Variants in ARF3 observed in about 807,000 individuals in gnomAD.
ARF3 encodes the protein ADP-ribosylation factor 3.
In ARF3, 5 loss-of-function variants were observed where a neutral mutation model predicts 19.3. The ratio of observed to expected loss-of-function variants is 0.26; its 90% CI spans 0.14 to 0.54. The LOEUF is 0.54. Ranked by LOEUF, ARF3 falls within the 20% of genes least tolerant of loss-of-function variation. The probability of loss-of-function intolerance (pLI) is 0.95; values close to 1 mark genes in which losing one functional copy is unlikely to be tolerated. For synonymous variants in ARF3, 71 were observed against 89.2 expected (o/e 0.80, Z 1.15); for missense variants, 77 against 234.2 (o/e 0.33, Z 4.38).
Position 48,950,366 on chromosome 12 carries a change from T to G in ARF3, c.-94+6944A>C, listed in dbSNP as rs549804895. Among the ~76,000 whole-genome samples, 44 of 152,266 alleles carry G rather than the reference T, an allele frequency of 2.9e-4. 1 individual carries two copies. Among genetic ancestry groups the G allele is most frequent in the South Asian group, 2.5e-3 (12 of 4,826 alleles). On this transcript the variant is annotated intron_variant, in intron 1 of 4. Coordinates refer to ENST00000256682, the MANE Select transcript of ARF3 (RefSeq NM_001659.3). The stretch of plus-strand genomic sequence containing the variant: ...ATGCACCACCACGCCTGGCTAATTT[T>G]TGTTTAACTGAAGTTTCGCCATGTT...
chr12:48,942,996 A>C (rs943015212), intron 1 of ARF3, among the ~76,000 whole-genome samples: 1 of 152,118 alleles, frequency 6.6e-6, no homozygotes, highest in African/African-American at 2.4e-5. Flanking sequence ...AGTCCCAGCT[A>C]CTCGGAACGT....
intron 1 of ARF3, among the ~76,000 whole-genome samples, chr12:48,943,968 T>C (rs1165379817): frequency 6.6e-6 from 1 of 152,188 alleles, no homozygotes; most frequent in African/African-American, 2.4e-5. Context: ...CTGAGCGACC[T>C]ACCCAGCTAA....
intron 2 of ARF3, 143 bp downstream of exon 2, chr12:48,940,805 T>C (rs1940243406): frequency 8.7e-7 from 1 of 1,143,028 alleles, no homozygotes; most frequent in East Asian, 2.8e-5. Context: ...GGTAGTAAGC[T>C]AAACAACACC....
chr12:48,940,136 T>C (rs761973567), intron 2 of ARF3, 29 bp from the exon 3 acceptor site: 8 of 1,592,988 alleles, frequency 5.0e-6, no homozygotes, highest in Non-Finnish European at 6.9e-6. Context: ...CAATGGCCAC[T>C]TGGCCTCAAA....
chr12:48,938,458 C>T lies in ARF3; in HGVS notation c.*489G>A, dbSNP rs1313181845. 2 of 449,842 alleles carry T rather than the reference C, an allele frequency of 4.4e-6. No individual in the cohort carries two copies. The highest frequency in any genetic ancestry group is 8.9e-6 in the Non-Finnish European group (2 of 225,180). 27.9% of individuals were successfully genotyped at this position (449,842 alleles called of 1,614,324 possible). On this transcript the variant is annotated 3_prime_UTR_variant, in exon 5 of 5. Coordinates refer to ENST00000256682, the MANE Select transcript of ARF3 (RefSeq NM_001659.3). ...CCCCCCGGCCCCCACAAATATATCT[C>T]TCTATACATGTATATACAGGCGCAC... is the stretch of plus-strand genomic sequence containing the variant.
At chr12:48,940,836 C>T in intron 2 of ARF3, 112 bp downstream of exon 2, 5 of 1,368,134 alleles carry the variant, frequency 3.7e-6, no homozygotes, top group East Asian at 2.6e-5. Context: ...CTGAACCCCA[C>T]AAATTGTATG....
In ARF3 at chr12:48,941,155, T is replaced by G. The variant is rs1303508426; in HGVS notation, c.-60A>C. The G allele has an allele frequency of 5.8e-6, 9 of 1,545,800 alleles. No individual in the cohort carries two copies. Among genetic ancestry groups the G allele is most frequent in the Non-Finnish European group, 7.9e-6 (9 of 1,141,218 alleles). ...CCAAGTAGGGGCAGTGGCAGTCTGG[T>G]TTTGGCCTGGTCCCTGGTATGGAAG... is the stretch of plus-strand genomic sequence containing the variant. On this transcript the variant is annotated 5_prime_UTR_variant, in exon 2 of 5. Coordinates refer to ENST00000256682, the MANE Select transcript of ARF3 (RefSeq NM_001659.3).
intron 1 of ARF3, among the ~76,000 whole-genome samples, chr12:48,942,807 A>AT (rs1187853707): frequency 2.6e-5 from 4 of 152,236 alleles, no homozygotes; most frequent in Non-Finnish European, 5.9e-5. Flanking sequence ...TGGTAGGCAC[A>AT]TAACAAATAC....
Position 48,935,885 on chromosome 12 carries a change from T to C in ARF3, c.*3062A>G, listed in dbSNP as rs927749407. ...AGGGCCCTTCAGCCAGTGAAGTCCA[T>C]ACAGTCTACCAACAGGTGAGAAATA... On this transcript the variant is annotated 3_prime_UTR_variant, in exon 5 of 5. Coordinates refer to ENST00000256682, the MANE Select transcript of ARF3 (RefSeq NM_001659.3). 8 of 152,198 alleles carry C rather than the reference T, an allele frequency of 5.3e-5. No homozygotes were observed. The highest frequency in any genetic ancestry group is 1.7e-4 in the African/African-American group (7 of 41,430). The allele number at this position is 152,198 out of a possible 1,614,324, so 9.4% of individuals were successfully genotyped here.
In ARF3 at chr12:48,938,099, G is replaced by T. The variant is rs910362273; in HGVS notation, c.*848C>A. 1 of 305,806 alleles carries T rather than the reference G, an allele frequency of 3.3e-6. No individual in the cohort carries two copies. Among genetic ancestry groups the T allele is most frequent in the Non-Finnish European group, 6.6e-6 (1 of 152,524 alleles). The allele number at this position is 305,806 out of a possible 1,614,324, so 18.9% of individuals were successfully genotyped here. ...ACACTCTAAGCTGATAAGAGTGAGT[G>T]GGTTCCTCTCTCCTTCCCAACAGTA... On this transcript the variant is annotated 3_prime_UTR_variant, in exon 5 of 5. Transcript: ENST00000256682.
rs1412290384 is a variant in ARF3 at position 48,939,223 on chromosome 12, G to C, written c.385-115C>G. The C allele has an allele frequency of 1.6e-6, 2 of 1,219,630 alleles. No individual in the cohort carries two copies. The highest frequency in any genetic ancestry group is 4.9e-5 in the East Asian group (2 of 40,930). The allele number at this position is 1,219,630 out of a possible 1,614,324, so 75.6% of individuals were successfully genotyped here. On this transcript the variant is annotated intron_variant, in intron 4 of 4. Coordinates refer to ENST00000256682, the MANE Select transcript of ARF3 (RefSeq NM_001659.3). The surrounding 1 kb of genome is among the most constrained non-coding windows in gnomAD (Gnocchi z 4.8). The stretch of plus-strand genomic sequence containing the variant: ...ACCTTCCCCTCCTCCTTTATTTTAG[G>C]AAACCCAGAACAAGATCCTAAGGAG...
At chr12:48,951,897 A>AAAATAAAT (rs955417931) in intron 1 of ARF3, among the ~76,000 whole-genome samples, 3 of 151,506 alleles carry the variant, frequency 2.0e-5, no homozygotes, top group Non-Finnish European at 2.9e-5. Context: ...AAAACTAATT[A>AAAATAAAT]AAATAAATAA....
rs1940172667 is a variant in ARF3 at position 48,937,731 on chromosome 12, G to A, written c.*1216C>T. ...TGGAGAAGAGGGGGGTTGATACTAA[G>A]GTCAGCTATGTCACCCCACTTCCCA... is the stretch of plus-strand genomic sequence containing the variant. On this transcript the variant is annotated 3_prime_UTR_variant, in exon 5 of 5. Coordinates refer to ENST00000256682, the MANE Select transcript of ARF3 (RefSeq NM_001659.3). 6.6e-6 allele frequency: 1 copy of A among 152,302 alleles called. No homozygotes were observed. The highest frequency in any genetic ancestry group is 2.4e-5 in the African/African-American group (1 of 41,440). 9.4% of individuals were successfully genotyped at this position (152,302 alleles called of 1,614,324 possible).
At chr12:48,942,977 C>T (rs1450255318) in intron 1 of ARF3, among the ~76,000 whole-genome samples, 1 of 152,152 alleles carries the variant, frequency 6.6e-6, no homozygotes, top group Admixed American at 6.5e-5. Context: ...CATGGTGGCA[C>T]ACTCCTGTAG....
rs747758626 is a variant in ARF3 at position 48,940,997 on chromosome 12, G to A, written c.99C>T (p.Ile33=). 6.2e-7 allele frequency: 1 copy of A among 1,613,712 alleles called. No homozygotes were observed. Among genetic ancestry groups the A allele is most frequent in the African/African-American group, 1.3e-5 (1 of 75,026 alleles). The change falls in exon 2 of 5, where the codon ATC becomes ATT. Residue 33 remains isoleucine, a synonymous_variant. Transcript: ENST00000256682. ...TCTCCCCGAGTTTCAGCTTGTATAG[G>A]ATGGTGGTCTTTCCTGCGGCATCCA... The part of the protein sequence containing the change: ...VGLDAAGKTT[I]LYKLKLGEIV...
chr12:48,954,010 G>A (rs1187397856), intron 1 of ARF3, among the ~76,000 whole-genome samples: 1 of 152,204 alleles, frequency 6.6e-6, no homozygotes, highest in East Asian at 1.9e-4. Flanking sequence ...ACTAAATGAA[G>A]ATCCCCATAT....
chr12:48,952,447 G>A (rs993022164), intron 1 of ARF3, among the ~76,000 whole-genome samples: 9 of 152,186 alleles, frequency 5.9e-5, no homozygotes, highest in Non-Finnish European at 1.0e-4. Context: ...AGCTTGCCTT[G>A]TTCTTAGAAT....
intron 1 of ARF3, among the ~76,000 whole-genome samples, chr12:48,952,686 G>T (rs1940490721): frequency 6.6e-6 from 1 of 152,198 alleles, no homozygotes; most frequent in Non-Finnish European, 1.5e-5. Context: ...ACATGATGTG[G>T]ACAAGGCCAA....
chr12:48,944,833 G>GATGTATATTA (rs1456704534), intron 1 of ARF3, among the ~76,000 whole-genome samples: 2 of 152,262 alleles, frequency 1.3e-5, no homozygotes, highest in Non-Finnish European at 2.9e-5. Flanking sequence ...TATACAGTGG[G>GATGTATATTA]ACTGATGAAT....
Sources: allele counts gnomAD v4.1 joint callset (sites outside exome capture counted in the v4.1 genomes callset), GRCh38; gene constraint gnomAD v4.1.1; non-coding constraint Gnocchi (gnomAD v3.1); transcripts MANE v1.5; gene names NCBI Gene and HGNC (gene_info 2026-07-23, HGNC 2026-07-21).